The following GALNT10 variants were observed in gnomAD, a reference collection of about 807,000 sequenced individuals.
GALNT10 encodes GalNAc transferase 10.
GALNT10 carries 41 observed loss-of-function variants against 75.0 expected under a neutral mutation model. The ratio of observed to expected loss-of-function variants is 0.55; its 90% CI spans 0.43 to 0.71. The LOEUF (loss-of-function observed/expected upper bound fraction) is 0.71, where lower values mean the gene tolerates loss of function less well. GALNT10 is among the 30% of genes least tolerant of loss of function. The pLI, the probability that GALNT10 is intolerant of heterozygous loss-of-function variation, is 0.00. For missense variants in GALNT10, 727 were observed against 818.5 expected (o/e 0.89, Z 1.36); for synonymous variants, 302 against 313.0 (o/e 0.96, Z 0.37).
intron 4 of GALNT10, chr5:154,356,037 T>A (rs1324546873): frequency 2.3e-6 from 1 of 430,754 alleles, no homozygotes; most frequent in African/African-American, 2.0e-5. Flanking sequence ...CTTCATTTCC[T>A]GAAAGCCTCT....
chr5:154,396,287 G>GC (rs1756017616), intron 7 of GALNT10, among the ~76,000 whole-genome samples: 1 of 152,162 alleles, frequency 6.6e-6, no homozygotes, highest in Admixed American at 6.5e-5. Context: ...AAATTCACAA[G>GC]CCCCCAGGGC....
chr5:154,191,418 T>C, intron 1 of GALNT10, among the ~76,000 whole-genome samples: 2 of 133,344 alleles, frequency 1.5e-5, no homozygotes, highest in African/African-American at 5.8e-5. Context: ...CCAGGTCCTC[T>C]CTGCTTCCCT....
Position 154,254,621 on chromosome 5 carries a change from G to C in GALNT10, c.160-40195G>C, listed in dbSNP as rs185629740. 3.1e-3 allele frequency among the ~76,000 whole-genome samples: 474 copies of C among 150,714 alleles called. 2 individuals carry two copies. The highest frequency in any genetic ancestry group is 0.011 in the African/African-American group (460 of 40,892). ...TGGCATCAATACCTCTTTGAAAAAA[G>C]TCTGTAGCCCCAGGAAGGCAAGCAT... On this transcript the variant is annotated intron_variant, in intron 1 of 11. Coordinates refer to ENST00000297107, the MANE Select transcript of GALNT10 (RefSeq NM_198321.4).
At chr5:154,297,377 A>G (rs1754292112) in intron 2 of GALNT10, among the ~76,000 whole-genome samples, 1 of 152,236 alleles carries the variant, frequency 6.6e-6, no homozygotes, top group African/African-American at 2.4e-5. Context: ...ATTTACTTAT[A>G]AAGTTTGCCT....
At position 154,190,866 on chromosome 5, in the gene GALNT10, G is replaced by A. The variant is rs1424857742; in HGVS notation, c.-1G>A. ...GGGCGCGGCGGGGCTGACCGGCCCC[G>A]ATGAGGCGGAAGGAGAAGCGGCTCC... On this transcript the variant is annotated 5_prime_UTR_variant, in exon 1 of 12. Coordinates refer to ENST00000297107, the MANE Select transcript of GALNT10 (RefSeq NM_198321.4). The A allele has an allele frequency of 1.9e-5, 26 of 1,360,374 alleles. No individual in the cohort carries two copies. The highest frequency in any genetic ancestry group is 2.2e-5 in the Non-Finnish European group (23 of 1,046,974). 84.3% of individuals were successfully genotyped at this position (1,360,374 alleles called of 1,614,324 possible).
At chr5:154,329,390 G>A in intron 3 of GALNT10, 182 bp from the exon 4 acceptor site, 1 of 600,862 alleles carries the variant, frequency 1.7e-6, no homozygotes, top group Non-Finnish European at 3.0e-6. Flanking sequence ...GCAGAGATTG[G>A]AGGTAGGACT....
intron 1 of GALNT10, among the ~76,000 whole-genome samples, chr5:154,249,005 G>A (rs1230661144): frequency 6.6e-6 from 1 of 152,242 alleles, no homozygotes; most frequent in Non-Finnish European, 1.5e-5. Flanking sequence ...AGAGCTCTCA[G>A]TAGCTTTGCA....
At chr5:154,235,915 T>A (rs1753238980) in intron 1 of GALNT10, among the ~76,000 whole-genome samples, 1 of 152,200 alleles carries the variant, frequency 6.6e-6, no homozygotes, top group Non-Finnish European at 1.5e-5. Context: ...AAGCCAGACC[T>A]GGAAATCCAT....
intron 4 of GALNT10, among the ~76,000 whole-genome samples, chr5:154,374,032 G>A (rs558956780): frequency 1.2e-4 from 19 of 152,216 alleles, no homozygotes; most frequent in South Asian, 1.0e-3. Context: ...AAGAAGCGGT[G>A]GTCACAAACA....
At chr5:154,377,204 G>A (rs748852514) in intron 5 of GALNT10, among the ~76,000 whole-genome samples, 21 of 152,180 alleles carry the variant, frequency 1.4e-4, no homozygotes, top group Admixed American at 5.2e-4. Context: ...CCTGAATCAG[G>A]CCTGAATCTT....
chr5:154,240,252 CA>C (rs576043115), intron 1 of GALNT10, among the ~76,000 whole-genome samples: 25 of 152,298 alleles, frequency 1.6e-4, no homozygotes, highest in Non-Finnish European at 2.8e-4. Context: ...TGACCTTGGG[CA>C]AATCTCTTAA....
chr5:154,275,394 A>G (rs1442793001), intron 1 of GALNT10, among the ~76,000 whole-genome samples: 1 of 152,172 alleles, frequency 6.6e-6, no homozygotes, highest in African/African-American at 2.4e-5. Context: ...TGCTCAGTAG[A>G]CTTATCTTGT....
chr5:154,393,065 A>AAAAAAAAAC (rs1561680918), intron 7 of GALNT10: 2 of 124,466 alleles, frequency 1.6e-5, no homozygotes, highest in Non-Finnish European at 1.7e-5. Context: ...CACAAAAAAA[A>AAAAAAAAAC]AAAAAAAAAA....
intron 1 of GALNT10, among the ~76,000 whole-genome samples, chr5:154,241,375 A>G (rs1753334929): frequency 6.6e-6 from 1 of 152,240 alleles, no homozygotes; most frequent in South Asian, 2.1e-4. Context: ...CATTATAGAA[A>G]GTTCACGAAA....
chr5:154,191,112 C>G, intron 1 of GALNT10, 87 bp downstream of exon 1: 1 of 913,276 alleles, frequency 1.1e-6, no homozygotes, highest in Admixed American at 3.7e-5. Flanking sequence ...CTTCTGCTGT[C>G]TGCCTCCTCA....
chr5:154,239,831 A>G (rs1753304950), intron 1 of GALNT10, among the ~76,000 whole-genome samples: 1 of 152,194 alleles, frequency 6.6e-6, no homozygotes, highest in Non-Finnish European at 1.5e-5. Flanking sequence ...GTGTTTTAAT[A>G]AGCAATTCCC....
intron 3 of GALNT10, among the ~76,000 whole-genome samples, chr5:154,314,553 G>A (rs1355013974): frequency 6.6e-6 from 1 of 152,078 alleles, no homozygotes; most frequent in Non-Finnish European, 1.5e-5. Flanking sequence ...AGCTCCGTAT[G>A]TGGCCTGGGA....
intron 4 of GALNT10, among the ~76,000 whole-genome samples, chr5:154,345,525 T>G (rs1468437123): frequency 6.6e-6 from 1 of 152,026 alleles, no homozygotes; most frequent in East Asian, 1.9e-4. Flanking sequence ...AGATTCCTCA[T>G]ATGAGTGAGA....
chr5:154,305,784 A>G (rs2113088377), intron 3 of GALNT10, among the ~76,000 whole-genome samples: 2 of 152,256 alleles, frequency 1.3e-5, no homozygotes, highest in East Asian at 3.9e-4. Flanking sequence ...TTGGGAGGCC[A>G]AGGAGGGCGG....
Sources: gnomAD v4.1 joint callset for allele counts (sites outside exome capture counted in the v4.1 genomes callset) on GRCh38, gnomAD v4.1.1 for gene constraint, MANE v1.5 for transcripts, NCBI Gene and HGNC (gene_info 2026-07-23, HGNC 2026-07-21) for gene names.